IGSF22: variants seen among roughly 807,000 people sequenced by gnomAD.
The protein encoded by IGSF22 is immunoglobulin superfamily, member 22.
IGSF22 carries 119 observed loss-of-function variants against 127.0 expected under a neutral mutation model. The observed-to-expected ratio is 0.94, with a 90% confidence interval of 0.81 to 1.09. The LOEUF (loss-of-function observed/expected upper bound fraction) is 1.09. IGSF22 is among the 50% of genes least tolerant of loss of function. IGSF22 has a pLI of 0.00. For missense variants in IGSF22, 1,518 were observed against 1,716.6 expected (o/e 0.88, Z 2.04); for synonymous variants, 568 against 664.7 (o/e 0.85, Z 2.24).
intron 1 of IGSF22, among the ~76,000 whole-genome samples, chr11:18,725,063 C>G (rs555793672): frequency 1.3e-5 from 2 of 151,640 alleles, no homozygotes; most frequent in East Asian, 1.9e-4. Context: ...TATTCTGACC[C>G]TTTCTTTTTT....
Position 18,716,347 on chromosome 11 carries a change from T to C in IGSF22, c.1246+381A>G, listed in dbSNP as rs893936006. Among the ~76,000 whole-genome samples the C allele has an allele frequency of 6.6e-6, 1 of 152,188 alleles. No homozygotes were observed. Among genetic ancestry groups the C allele is most frequent in the African/African-American group, 2.4e-5 (1 of 41,438 alleles). On this transcript the variant is annotated intron_variant, in intron 10 of 22. Transcript: ENST00000513874. The surrounding 1 kb of genome is among the most constrained non-coding windows in gnomAD (Gnocchi z 4.5). ...TTCAGATGTGTGACATGCTCATTGG[T>C]GTACCTACATTATGTGCGAACTCCC... is the stretch of plus-strand genomic sequence containing the variant.
chr11:18,721,508 A>G (rs778442132), intron 4 of IGSF22, 27 bp downstream of exon 4: 1 of 1,613,838 alleles, frequency 6.2e-7, no homozygotes, highest in South Asian at 1.1e-5. Context: ...CCTTCTCGGT[A>G]ACTGGACTTG....
chr11:18,710,250 C>A, intron 17 of IGSF22, 77 bp downstream of exon 17: 1 of 1,573,766 alleles, frequency 6.4e-7, no homozygotes, highest in South Asian at 1.1e-5. Context: ...GTCATACTTT[C>A]CCGGGGAAGA....
chr11:18,710,886 A>T, intron 15 of IGSF22, 58 bp from the exon 16 acceptor site: 1 of 1,444,358 alleles, frequency 6.9e-7, no homozygotes, highest in Non-Finnish European at 9.6e-7. Flanking sequence ...ATATTTGCCC[A>T]CCTCATGCTG....
At chr11:18,706,730 C>A in intron 21 of IGSF22, 184 bp downstream of exon 21, 2 of 556,522 alleles carry the variant, frequency 3.6e-6, no homozygotes, top group Non-Finnish European at 6.1e-6. Context: ...CCACTTTAGT[C>A]TCACCCCTAA....
intron 22 of IGSF22, among the ~76,000 whole-genome samples, chr11:18,704,990 CCAGA>C (rs1848194848): frequency 6.6e-6 from 1 of 152,186 alleles, no homozygotes. Flanking sequence ...TGTCTCAGTG[CCAGA>C]CACTTAGCTA....
chr11:18,722,012 T>G lies in IGSF22; in HGVS notation c.139A>C (p.Ile47Leu), dbSNP rs759547411. The change falls in exon 3 of 23, where the codon ATA (isoleucine) becomes CTA (leucine). Residue 47 changes from isoleucine (I) to leucine (L), a missense_variant. Transcript: ENST00000513874. ...EEVVRRKSSSIVEFFSLVTRS... is the reference protein window; with the variant it reads ...EEVVRRKSSSLVEFFSLVTRS... ...GTCACTAAGCTGAAGAACTCCACTA[T>G]GCTCGAGGACTTCCTCCTCACGACC... is the stretch of plus-strand genomic sequence containing the variant. 6.8e-6 allele frequency: 11 copies of G among 1,614,078 alleles called. No homozygotes were observed. The highest frequency in any genetic ancestry group is 9.3e-6 in the Non-Finnish European group (11 of 1,180,016).
At chr11:18,711,932 G>A (rs1848364250) in intron 15 of IGSF22, 150 bp downstream of exon 15, 7 of 684,960 alleles carry the variant, frequency 1.0e-5, no homozygotes, top group Non-Finnish European at 1.7e-5. Context: ...CCAAAATGAT[G>A]TTCTGTTTTT....
intron 4 of IGSF22, among the ~76,000 whole-genome samples, chr11:18,720,555 G>T (rs1481645026): frequency 6.6e-6 from 1 of 152,184 alleles, no homozygotes; most frequent in Non-Finnish European, 1.5e-5. Flanking sequence ...CCAGAAGGCA[G>T]GGCTTCCCCT....
intron 11 of IGSF22, 96 bp downstream of exon 11, chr11:18,715,336 G>A (rs1419659172): frequency 4.6e-6 from 6 of 1,301,922 alleles, no homozygotes; most frequent in Non-Finnish European, 6.5e-6. Flanking sequence ...CTACAGGAGG[G>A]TTGGAGTTAG....
rs905372705 is a variant in IGSF22 at position 18,714,677 on chromosome 11, C to T, written c.1532-53G>A. ...GCTCAGGATGTTGGGGTGGGAGGGACTTCTGGGAAAAGGGCTGGTAGCGAT... is the reference window on the plus strand; with the variant it reads ...GCTCAGGATGTTGGGGTGGGAGGGATTTCTGGGAAAAGGGCTGGTAGCGAT... On this transcript the variant is annotated intron_variant, in intron 11 of 22. Coordinates refer to ENST00000513874, the MANE Select transcript of IGSF22 (RefSeq NM_173588.4). 3 of 1,602,500 alleles carry T rather than the reference C, an allele frequency of 1.9e-6. No homozygotes were observed. In the South Asian group the frequency reaches 3.3e-5, roughly 18 times the overall value.
intron 18 of IGSF22, 125 bp from the exon 19 acceptor site, chr11:18,708,420 A>G (rs1165769009): frequency 9.2e-6 from 6 of 654,546 alleles, no homozygotes; most frequent in East Asian, 2.8e-5. Flanking sequence ...CCATACAGAC[A>G]TCTAGCTGCC....
At position 18,724,186 on chromosome 11, in the gene IGSF22, C is replaced by A; in HGVS notation, c.51G>T (p.Glu17Asp). ...RQMLQEHVSM[E>D]FSSSTTHVQT... ...GCACGTGGGTGGTGGAGCTGGAGAA[C>A]TCCATGGACACGTGCTCCTGCAGCA... Residue 17 changes from glutamate to aspartate, a missense_variant, in exon 2 of 23, where the codon GAG becomes GAT. By Grantham distance (45) the Glu-to-Asp change is conservative. This residue lies in a region of IGSF22 where 1,456 missense variants were observed against 1,644.9 expected (regional missense o/e 0.89). Transcript: ENST00000513874. The A allele has an allele frequency of 6.2e-7, 1 of 1,614,048 alleles. No homozygotes were observed.
intron 20 of IGSF22, 103 bp from the exon 21 acceptor site, chr11:18,707,316 T>C (rs1848260090): frequency 9.4e-7 from 1 of 1,068,666 alleles, no homozygotes; most frequent in Non-Finnish European, 1.3e-6. Flanking sequence ...ATGGGGCAAG[T>C]CTCAGGCAGC....
At chr11:18,706,672 C>T (rs1848241586) in intron 21 of IGSF22, 1 of 475,202 alleles carries the variant, frequency 2.1e-6, no homozygotes, top group Non-Finnish European at 3.7e-6. Context: ...TATGTCCCTC[C>T]GCAGCCCCTC....
At chr11:18,713,830 C>T in intron 14 of IGSF22, 22 bp downstream of exon 14, 1 of 1,581,096 alleles carries the variant, frequency 6.3e-7, no homozygotes, top group Non-Finnish European at 8.6e-7. Context: ...CTCAGCCCAG[C>T]CCGGACTGGC....
chr11:18,705,784 C>G (rs1011585015), intron 22 of IGSF22, 33 bp downstream of exon 22: 7 of 1,507,020 alleles, frequency 4.6e-6, no homozygotes, highest in Middle Eastern at 2.3e-4. Context: ...CGCCTCTCCC[C>G]CTCCTCGAGG....
intron 7 of IGSF22, among the ~76,000 whole-genome samples, chr11:18,719,249 A>G (rs1407083141): frequency 6.6e-6 from 1 of 151,716 alleles, no homozygotes. Flanking sequence ...GGTTCAAGCA[A>G]TTCTCCTGTT....
At chr11:18,706,760 T>A in intron 21 of IGSF22, 154 bp downstream of exon 21, 1 of 634,018 alleles carries the variant, frequency 1.6e-6, no homozygotes, top group Non-Finnish European at 2.6e-6. Flanking sequence ...AGAAAGCCAA[T>A]ATTTCCTTCT....
Sources: allele counts gnomAD v4.1 joint callset (sites outside exome capture counted in the v4.1 genomes callset), GRCh38; gene constraint gnomAD v4.1.1; regional missense constraint gnomAD v4.1.1; non-coding constraint Gnocchi (gnomAD v3.1); transcripts MANE v1.5; gene names NCBI Gene and HGNC (gene_info 2026-07-23, HGNC 2026-07-21).